The following DTWD2 variants were observed in gnomAD, a reference collection of about 807,000 sequenced individuals.
DTWD2 encodes DTW motif tRNA-uridine aminocarboxypropyltransferase 2.
A neutral mutation model predicts 31.8 loss-of-function variants in DTWD2; 39 were observed. The ratio of observed to expected loss-of-function variants is 1.22; its 90% confidence interval spans 0.95 to 1.60. DTWD2 has a LOEUF of 1.60. Ranked by LOEUF, DTWD2 falls within the 40% of genes most tolerant of loss-of-function variation. The pLI, the probability that DTWD2 is intolerant of heterozygous loss-of-function variation, is 0.00. For missense variants in DTWD2, 515 were observed against 381.5 expected (o/e 1.35, Z -2.92); for synonymous variants, 180 against 142.8 (o/e 1.26, Z -1.86).
At chr5:118,958,943 T>C (rs1561471357) in intron 1 of DTWD2, among the ~76,000 whole-genome samples, 1 of 152,054 alleles carries the variant, frequency 6.6e-6, no homozygotes, top group Non-Finnish European at 1.5e-5. Context: ...CTAAAGGAAC[T>C]TACCTCAAAA....
At chr5:118,848,616 A>C (rs1751921886) in intron 4 of DTWD2, among the ~76,000 whole-genome samples, 1 of 151,994 alleles carries the variant, frequency 6.6e-6, no homozygotes, top group Admixed American at 6.6e-5. Context: ...GCTGCAGCTA[A>C]AATCAAAAAG....
At chr5:118,973,016 G>C (rs921150381) in intron 1 of DTWD2, among the ~76,000 whole-genome samples, 2 of 149,940 alleles carry the variant, frequency 1.3e-5, no homozygotes, top group African/African-American at 4.9e-5. Flanking sequence ...ATCTTTGTTG[G>C]TTTACAGTCT....
At chr5:118,973,813 A>G (rs1580449830) in intron 1 of DTWD2, 1 of 1,612,312 alleles carries the variant, frequency 6.2e-7, no homozygotes, top group East Asian at 2.2e-5. Context: ...ACGCAGCCGT[A>G]GACACCAGCT....
intron 4 of DTWD2, among the ~76,000 whole-genome samples, chr5:118,916,633 G>C (rs1409918209): frequency 4.0e-5 from 6 of 148,506 alleles, no homozygotes; most frequent in Non-Finnish European, 7.4e-5. Context: ...CCATTGCACT[G>C]CAGCCTGGGC....
intron 1 of DTWD2, among the ~76,000 whole-genome samples, chr5:118,948,176 A>T (rs1002202662): frequency 3.9e-5 from 6 of 152,154 alleles, no homozygotes; most frequent in African/African-American, 1.4e-4. Flanking sequence ...TGGAACTGCC[A>T]TTAATAAACC....
In DTWD2 at chr5:118,848,116, A is replaced by T; in HGVS notation, c.700T>A (p.Leu234Met). 1 of 1,578,898 alleles carries T rather than the reference A, an allele frequency of 6.3e-7. No homozygotes were observed. Among genetic ancestry groups the T allele is most frequent in the Non-Finnish European group, 8.6e-7 (1 of 1,166,022 alleles). Residue 234 changes from leucine to methionine, a missense_variant, in exon 5 of 6, where the codon TTG becomes ATG. Leu to Met is a conservative substitution (Grantham distance 15, BLOSUM62 2). Coordinates refer to ENST00000510708, the MANE Select transcript of DTWD2 (RefSeq NM_173666.4). Reference protein sequence around the residue: ...LECAAVALSILEKNNYIQETL... With the variant: ...LECAAVALSIMEKNNYIQETL... ...TCTTGTATGTAATTATTTTTCTCCA[A>T]GATGGAAAGAGCAACAGCTGCACAC...
In DTWD2 at chr5:118,939,272, T is replaced by C; in HGVS notation, c.328A>G (p.Thr110Ala). 6.3e-7 allele frequency: 1 copy of C among 1,583,524 alleles called. No individual in the cohort carries two copies. The highest frequency in any genetic ancestry group is 8.6e-7 in the Non-Finnish European group (1 of 1,165,076). The change falls in exon 3 of 6, where the codon ACA becomes GCA. Residue 110 changes from threonine to alanine, a missense_variant. Physicochemically the swap from Thr to Ala is moderately conservative, Grantham distance 58 (BLOSUM62 0). Transcript: ENST00000510708. ...HPAEENKVLRTVPLLAACLPQ... is the reference protein window; with the variant it reads ...HPAEENKVLRAVPLLAACLPQ... ...AGGCATGCTGCTAGTAGAGGAACTG[T>C]ACGCAACACTTTGTTTTCCTTTAAT...
intron 4 of DTWD2, among the ~76,000 whole-genome samples, chr5:118,918,246 C>T (rs976342318): frequency 2.0e-5 from 3 of 152,004 alleles, no homozygotes; most frequent in Non-Finnish European, 2.9e-5. Flanking sequence ...TCACTGAAAA[C>T]GTTTGGAAAA....
At chr5:118,986,409 C>G (rs1561483503) in intron 1 of DTWD2, among the ~76,000 whole-genome samples, 1 of 152,118 alleles carries the variant, frequency 6.6e-6, no homozygotes, top group African/African-American at 2.4e-5. Flanking sequence ...GAGCAAGATT[C>G]TGCTGAAAAG....
intron 1 of DTWD2, among the ~76,000 whole-genome samples, chr5:118,947,981 T>G (rs1003565487): frequency 6.6e-6 from 1 of 152,224 alleles, no homozygotes; most frequent in Non-Finnish European, 1.5e-5. Flanking sequence ...TAACAAATGT[T>G]GCATAACACA....
At chr5:118,907,828 T>A (rs1270208950) in intron 4 of DTWD2, among the ~76,000 whole-genome samples, 1 of 150,800 alleles carries the variant, frequency 6.6e-6, no homozygotes, top group Non-Finnish European at 1.5e-5. Context: ...CAGGGGAGGG[T>A]CGGTCTTTAT....
At chr5:118,913,940 T>C in intron 4 of DTWD2, among the ~76,000 whole-genome samples, 1 of 151,314 alleles carries the variant, frequency 6.6e-6, no homozygotes, top group Non-Finnish European at 1.5e-5. Context: ...CAAAAGAACA[T>C]TAAAAAGTGA....
intron 5 of DTWD2, among the ~76,000 whole-genome samples, chr5:118,847,357 G>A (rs1349416698): frequency 6.6e-6 from 1 of 151,998 alleles, no homozygotes; most frequent in Non-Finnish European, 1.5e-5. Flanking sequence ...ATTATCCTCT[G>A]ACTTTCTTCA....
At chr5:118,872,828 A>T (rs1272526955) in intron 4 of DTWD2, among the ~76,000 whole-genome samples, 1 of 152,248 alleles carries the variant, frequency 6.6e-6, no homozygotes, top group African/African-American at 2.4e-5. Context: ...ATTTGTAAAA[A>T]TCGCACTAGA....
At chr5:118,944,671 A>T (rs754324950) in intron 1 of DTWD2, 22 bp from the exon 2 acceptor site, 14 of 1,605,448 alleles carry the variant, frequency 8.7e-6, no homozygotes, top group Non-Finnish European at 1.2e-5. Context: ...AAAGAAAAAT[A>T]AAACTGGTAA....
Position 118,988,373 on chromosome 5 carries a change from CCTCTGCGCCCAGGGCAGCCGCCGCCGG to C in DTWD2, c.112_138del (p.Pro38_Glu46del). 1.3e-6 allele frequency: 2 copies of C among 1,577,184 alleles called. No individual in the cohort carries two copies. The highest frequency in any genetic ancestry group is 2.3e-5 in the South Asian group (2 of 87,038). ...AGCCCGTCCGCACTGTCGTCGTCCG[CCTCTGCGCCCAGGGCAGCCGCCGCCGG>C]CACTGCGCCGCCCTCCCGCCGCTCC... On this transcript the variant is annotated inframe_deletion, in exon 1 of 6. Transcript: ENST00000510708.
At chr5:118,875,563 G>GAAAAA (rs34990814) in intron 4 of DTWD2, among the ~76,000 whole-genome samples, 1 of 44,550 alleles carries the variant, frequency 2.2e-5, no homozygotes, top group Non-Finnish European at 4.6e-5. Context: ...CCTAGTTTCT[G>GAAAAA]AAAAAAAAAA....
At chr5:118,858,798 A>G (rs554675342) in intron 4 of DTWD2, among the ~76,000 whole-genome samples, 16 of 152,174 alleles carry the variant, frequency 1.1e-4, no homozygotes, top group Non-Finnish European at 1.5e-4. Context: ...AGTATCATCA[A>G]ACAAATTTCT....
chr5:118,884,760 A>G (rs1752818003), intron 4 of DTWD2, among the ~76,000 whole-genome samples: 1 of 151,928 alleles, frequency 6.6e-6, no homozygotes, highest in Non-Finnish European at 1.5e-5. Flanking sequence ...TAATCCCAGC[A>G]CTTTGGGAGG....
Sources: allele counts gnomAD v4.1 joint callset (sites outside exome capture counted in the v4.1 genomes callset), GRCh38; gene constraint gnomAD v4.1.1; transcripts MANE v1.5; gene names NCBI Gene and HGNC (gene_info 2026-07-23, HGNC 2026-07-21).